ALG10B: variants seen among roughly 807,000 people sequenced by gnomAD.
ALG10B encodes the protein ALG10 alpha-1,2-glucosyltransferase B.
In ALG10B, 27 loss-of-function variants were observed where a neutral mutation model predicts 38.7. The observed-to-expected ratio is 0.70, with a 90% CI of 0.51 to 0.96. ALG10B has a LOEUF of 0.96. Ranked by LOEUF, ALG10B falls within the 40% of genes least tolerant of loss-of-function variation. The probability of loss-of-function intolerance (pLI) is 0.00; values close to 1 mark genes in which losing one functional copy is unlikely to be tolerated. For missense variants in ALG10B, 522 were observed against 542.7 expected (o/e 0.96, Z 0.38); for synonymous variants, 177 against 193.3 (o/e 0.92, Z 0.70).
At chr12:38,317,793 TC>T (rs1207229487) in intron 1 of ALG10B, 2 of 176,630 alleles carry the variant, frequency 1.1e-5, no homozygotes, top group East Asian at 3.0e-4. Context: ...AGGTTACTCA[TC>T]TGCAAAATGA....
At position 38,316,880 on chromosome 12, in the gene ALG10B, C is replaced by T. The variant is rs747506315; in HGVS notation, c.-14C>T. 71 of 1,613,972 alleles carry T rather than the reference C, an allele frequency of 4.4e-5. No individual in the cohort carries two copies. The East Asian group carries it at 1.5e-3, about 33-fold the overall frequency. On this transcript the variant is annotated 5_prime_UTR_variant, in exon 1 of 3. Transcript: ENST00000308742. ...CCAGGAGTGGGTTCTTGGGCAGTGG[C>T]TGTGGGAGCAGGAATGGCGCAGCTA...
In ALG10B at chr12:38,328,932, A is replaced by C; in HGVS notation, c.*7719A>C. ...AACAACTCTATGAGATCAGTACCGTACACATGGGGAAACTTAGTATAGAGA... is the reference window on the plus strand; with the variant it reads ...AACAACTCTATGAGATCAGTACCGTCCACATGGGGAAACTTAGTATAGAGA... On this transcript the variant is annotated 3_prime_UTR_variant, in exon 3 of 3. Transcript: ENST00000308742. 1 of 330,508 alleles carries C rather than the reference A, an allele frequency of 3.0e-6. No homozygotes were observed. The highest frequency in any genetic ancestry group is 4.8e-5 in the Admixed American group (1 of 20,788). 20.5% of individuals were successfully genotyped at this position (330,508 alleles called of 1,614,324 possible).
chr12:38,318,198 A>G (rs1236961122), intron 1 of ALG10B, 63 bp from the exon 2 acceptor site: 15 of 1,594,134 alleles, frequency 9.4e-6, no homozygotes, highest in African/African-American at 1.3e-5. Context: ...TGGGCTTGAC[A>G]TATTTGTGTC....
In ALG10B at chr12:38,320,651, A is replaced by G; in HGVS notation, c.860A>G (p.His287Arg). The G allele has an allele frequency of 1.2e-6, 2 of 1,613,770 alleles. No homozygotes were observed. The highest frequency in any genetic ancestry group is 1.1e-5 in the South Asian group (1 of 91,048). Residue 287 changes from histidine (H) to arginine (R), a missense_variant, in exon 3 of 3, where the codon CAT becomes CGT. Physicochemically the swap from His to Arg is conservative, Grantham distance 29. Coordinates refer to ENST00000308742, the MANE Select transcript of ALG10B (RefSeq NM_001013620.4). ...GDRSSHEACLHFPQLFYFFSF... is the reference protein window; with the variant it reads ...GDRSSHEACLRFPQLFYFFSF... ...CGGAGTAGTCATGAAGCCTGTCTTC[A>G]TTTTCCTCAACTATTCTACTTTTTT...
rs1442018539 is a variant in ALG10B, at chr12:38,320,775, G to A, written c.984G>A (p.Val328=). ...LVWKHGILFL[V]VTLVSVFLVW... ...GGAAACATGGAATTCTGTTTTTGGT[G>A]GTTACCTTAGTCTCTGTGTTTTTAG... Residue 328 remains valine, a synonymous_variant, in exon 3 of 3, where the codon GTG becomes GTA. Transcript: ENST00000308742. The A allele has an allele frequency of 6.2e-7, 1 of 1,613,638 alleles. No homozygotes were observed. Among genetic ancestry groups the A allele is most frequent in the South Asian group, 1.1e-5 (1 of 91,028 alleles).
In ALG10B at chr12:38,320,189, C is replaced by T. The variant is rs1469578764; in HGVS notation, c.398C>T (p.Ser133Leu). Reference sequence around the variant, plus strand: ...GCCTCAAGTATCCAGAGAGTCTTGTCAACATTAACACTAGCAGTATTTCCA... The same window carrying T: ...GCCTCAAGTATCCAGAGAGTCTTGTTAACATTAACACTAGCAGTATTTCCA... ...KAASSIQRVL[S>L]TLTLAVFPTL... The change falls in exon 3 of 3, where the codon TCA (serine) becomes TTA (leucine). Residue 133 changes from serine to leucine, a missense_variant. Coordinates refer to ENST00000308742, the MANE Select transcript of ALG10B (RefSeq NM_001013620.4). 21 of 1,613,856 alleles carry T rather than the reference C, an allele frequency of 1.3e-5. No individual in the cohort carries two copies. The highest frequency in any genetic ancestry group is 1.8e-5 in the Non-Finnish European group (21 of 1,179,906).
At position 38,324,838 on chromosome 12, in the gene ALG10B, A is replaced by G. The variant is rs1332704547; in HGVS notation, c.*3625A>G. 2.6e-5 allele frequency: 4 copies of G among 152,220 alleles called. No homozygotes were observed. The highest frequency in any genetic ancestry group is 6.5e-5 in the Admixed American group (1 of 15,282). The allele number at this position is 152,220 out of a possible 1,614,324, so 9.4% of individuals were successfully genotyped here. On this transcript the variant is annotated 3_prime_UTR_variant, in exon 3 of 3. Coordinates refer to ENST00000308742, the MANE Select transcript of ALG10B (RefSeq NM_001013620.4). ...GATATTTTTTCATGAATTTTTAAAC[A>G]TTAGACTTAGCTGAATTGATTAAAA...
rs1945723418 is a variant in ALG10B at position 38,324,067 on chromosome 12, T to A, written c.*2854T>A. The A allele has an allele frequency of 4.7e-6, 3 of 640,886 alleles. No individual in the cohort carries two copies. The highest frequency in any genetic ancestry group is 8.4e-6 in the Non-Finnish European group (3 of 356,290). The allele number at this position is 640,886 out of a possible 1,614,324, so 39.7% of individuals were successfully genotyped here. On this transcript the variant is annotated 3_prime_UTR_variant, in exon 3 of 3. Coordinates refer to ENST00000308742, the MANE Select transcript of ALG10B (RefSeq NM_001013620.4). ...TTGTCTTTGAGGAGAAGTCTCGCTC[T>A]TGTCCCCCAGGCTGGAATGCAATGG...
At chr12:38,318,156 C>T in intron 1 of ALG10B, 105 bp from the exon 2 acceptor site, 4 of 1,443,374 alleles carry the variant, frequency 2.8e-6, no homozygotes, top group Non-Finnish European at 3.9e-6. Flanking sequence ...ACTAACTTCT[C>T]AAAATTTCTG....
In ALG10B at chr12:38,321,221, G is replaced by A. The variant is rs1357786323; in HGVS notation, c.*8G>A. 6.2e-7 allele frequency: 1 copy of A among 1,608,688 alleles called. No individual in the cohort carries two copies. The highest frequency in any genetic ancestry group is 8.5e-7 in the Non-Finnish European group (1 of 1,177,050). On this transcript the variant is annotated 3_prime_UTR_variant, in exon 3 of 3. Transcript: ENST00000308742. ...CAAAGGTTTATGTGGTAATATCAGT[G>A]ATATTTTGAACTGTAAAAATGGACT...
Position 38,325,437 on chromosome 12 carries a change from C to T in ALG10B, c.*4224C>T, listed in dbSNP as rs1404292256. 2 of 152,088 alleles carry T rather than the reference C, an allele frequency of 1.3e-5. No individual in the cohort carries two copies. The highest frequency in any genetic ancestry group is 2.1e-4 in the South Asian group (1 of 4,832). The allele number at this position is 152,088 out of a possible 1,614,324, so 9.4% of individuals were successfully genotyped here. On this transcript the variant is annotated 3_prime_UTR_variant, in exon 3 of 3. Transcript: ENST00000308742. ...TGGAAGAGAGGAGAGAGGAAGGGATCTACCATTTTTATTTATACCACCTAA... is the reference window on the plus strand; with the variant it reads ...TGGAAGAGAGGAGAGAGGAAGGGATTTACCATTTTTATTTATACCACCTAA...
At chr12:38,319,056 G>A (rs1945680078) in intron 2 of ALG10B, among the ~76,000 whole-genome samples, 1 of 152,192 alleles carries the variant, frequency 6.6e-6, no homozygotes, top group African/African-American at 2.4e-5. Flanking sequence ...TAAGGGCTCA[G>A]TAAATATTAA....
rs1170657008 is a variant in ALG10B, at chr12:38,323,188, A to G, written c.*1975A>G. ...TGATACCTTTTAAATAACTCTCAGTATCTTTACTGAGAGGTTAAAAAATAA... is the reference window on the plus strand; with the variant it reads ...TGATACCTTTTAAATAACTCTCAGTGTCTTTACTGAGAGGTTAAAAAATAA... On this transcript the variant is annotated 3_prime_UTR_variant, in exon 3 of 3. Coordinates refer to ENST00000308742, the MANE Select transcript of ALG10B (RefSeq NM_001013620.4). 6.6e-6 allele frequency: 1 copy of G among 152,132 alleles called. No homozygotes were observed. Among genetic ancestry groups the G allele is most frequent in the Non-Finnish European group, 1.5e-5 (1 of 68,016 alleles). The allele number at this position is 152,132 out of a possible 1,614,324, so 9.4% of individuals were successfully genotyped here.
rs1425969722 is a variant in ALG10B, at chr12:38,323,105, A to G, written c.*1892A>G. On this transcript the variant is annotated 3_prime_UTR_variant, in exon 3 of 3. Transcript: ENST00000308742. ...ACTTCTCTTTGACATACGGATTTCA[A>G]ATCTTCTGGATAAATAGCCAGAAGT... 1 of 152,134 alleles carries G rather than the reference A, an allele frequency of 6.6e-6. No individual in the cohort carries two copies. The highest frequency in any genetic ancestry group is 1.9e-4 in the East Asian group (1 of 5,192). 9.4% of individuals were successfully genotyped at this position (152,134 alleles called of 1,614,324 possible). A position where few individuals can be genotyped will look rare whatever the true frequency, so the allele number is the denominator to read the frequency against.
At chr12:38,317,927 G>C (rs1369091104) in intron 1 of ALG10B, 4 of 354,540 alleles carry the variant, frequency 1.1e-5, no homozygotes, top group Non-Finnish European at 2.1e-5. Flanking sequence ...CCTAAACTTA[G>C]AGTCCCAAAC....
At position 38,318,447 on chromosome 12, in the gene ALG10B, C is replaced by T. The variant is rs1377709742; in HGVS notation, c.358C>T (p.Pro120Ser). The T allele has an allele frequency of 6.2e-7, 1 of 1,614,026 alleles. No individual in the cohort carries two copies. The highest frequency in any genetic ancestry group is 8.5e-7 in the Non-Finnish European group (1 of 1,179,958). The change falls in exon 2 of 3, where the codon CCC becomes TCC. Residue 120 changes from proline (P) to serine (S), a missense_variant. Physicochemically the swap from Pro to Ser is moderately conservative, Grantham distance 74 (BLOSUM62 -1). Coordinates refer to ENST00000308742, the MANE Select transcript of ALG10B (RefSeq NM_001013620.4). Reference sequence around the variant, plus strand: ...ATATTTGCTTTTCCACAAGGTACAACCCAGAAACAAGGTATGTTTCAAAAT... The same window carrying T: ...ATATTTGCTTTTCCACAAGGTACAATCCAGAAACAAGGTATGTTTCAAAAT... ...LLYLLFHKVQPRNKAASSIQR... is the reference protein window; with the variant it reads ...LLYLLFHKVQSRNKAASSIQR...
At position 38,322,343 on chromosome 12, in the gene ALG10B, C is replaced by T. The variant is rs538700645; in HGVS notation, c.*1130C>T. The stretch of plus-strand genomic sequence containing the variant: ...AATTATGTTTACAAAGACCCATGTT[C>T]CAAGTAAGTTTGTATTCACATGTTC... On this transcript the variant is annotated 3_prime_UTR_variant, in exon 3 of 3. Transcript: ENST00000308742. The T allele has an allele frequency of 2.0e-5, 3 of 152,232 alleles. No homozygotes were observed. In the East Asian group the frequency reaches 5.8e-4, roughly 29 times the overall value. 9.4% of individuals were successfully genotyped at this position (152,232 alleles called of 1,614,324 possible). A position where few individuals can be genotyped will look rare whatever the true frequency, so the allele number is the denominator to read the frequency against.
Position 38,325,834 on chromosome 12 carries a change from G to A in ALG10B, c.*4621G>A, listed in dbSNP as rs1262919709. Reference sequence around the variant, plus strand: ...TATGTGTATAACCTTATTTTAAAAAGGATTCATTCCTGCCATATACTCATA... The same window carrying A: ...TATGTGTATAACCTTATTTTAAAAAAGATTCATTCCTGCCATATACTCATA... On this transcript the variant is annotated 3_prime_UTR_variant, in exon 3 of 3. Coordinates refer to ENST00000308742, the MANE Select transcript of ALG10B (RefSeq NM_001013620.4). The A allele has an allele frequency of 6.6e-6, 1 of 152,004 alleles. No homozygotes were observed. The highest frequency in any genetic ancestry group is 1.5e-5 in the Non-Finnish European group (1 of 67,984). 9.4% of individuals were successfully genotyped at this position (152,004 alleles called of 1,614,324 possible). A position where few individuals can be genotyped will look rare whatever the true frequency, so the allele number is the denominator to read the frequency against.
rs1397842268 is a variant in ALG10B, at chr12:38,320,670, CT to C, written c.886del (p.Ser296HisfsTer23). 2 of 1,613,720 alleles carry C rather than the reference CT, an allele frequency of 1.2e-6. No individual in the cohort carries two copies. Among genetic ancestry groups the C allele is most frequent in the East Asian group, 2.2e-5 (1 of 44,886 alleles). ...GTCTTCATTTTCCTCAACTATTCTA[CT>C]TTTTTTCATTTACTCTCTTTTTTTC... ...ACLHFPQLFY[F>X]FSFTLFFSFP... On this transcript the variant is annotated frameshift_variant, in exon 3 of 3. Coordinates refer to ENST00000308742, the MANE Select transcript of ALG10B (RefSeq NM_001013620.4). LOFTEE classifies it high-confidence loss of function.
Sources: allele counts gnomAD v4.1 joint callset (sites outside exome capture counted in the v4.1 genomes callset), GRCh38; gene constraint gnomAD v4.1.1; transcripts MANE v1.5; gene names NCBI Gene and HGNC (gene_info 2026-07-23, HGNC 2026-07-21).